Variants in COL25A1 observed in about 807,000 individuals in gnomAD.
COL25A1 encodes the protein collagen type XXV alpha 1 chain, also known as collagen alpha-1(XXV) chain.
COL25A1 carries 103 observed loss-of-function variants against 128.4 expected under a neutral mutation model. The observed-to-expected ratio is 0.80, with a 90% CI of 0.68 to 0.94. The LOEUF (loss-of-function observed/expected upper bound fraction) is 0.94. Ranked by LOEUF, COL25A1 falls within the 40% of genes least tolerant of loss-of-function variation. The pLI, the probability that COL25A1 is intolerant of heterozygous loss-of-function variation, is 0.00. For synonymous variants in COL25A1, 279 were observed against 277.2 expected, an observed-to-expected ratio of 1.01 and a Z score of -0.06; for missense variants, 745 against 840.0, an observed-to-expected ratio of 0.89 and a Z score of 1.40.
chr4:108,959,713 G>T (rs1750458494), intron 8 of COL25A1, among the ~76,000 whole-genome samples: 1 of 152,060 alleles, frequency 6.6e-6, no homozygotes, highest in African/African-American at 2.4e-5. Flanking sequence ...GAAGTACATG[G>T]CTCCAAAGTG....
chr4:109,211,884 G>A (rs12647173), intron 3 of COL25A1, among the ~76,000 whole-genome samples: 13,392 of 152,000 alleles, frequency 0.088, 825 homozygotes, highest in East Asian at 0.23. Flanking sequence ...ACAATGCCTC[G>A]ACCTGAAGAA....
chr4:109,278,116 C>T (rs1560971506), intron 3 of COL25A1, among the ~76,000 whole-genome samples: 1 of 151,326 alleles, frequency 6.6e-6, no homozygotes, highest in African/African-American at 2.4e-5. Flanking sequence ...GCCTGGGCAA[C>T]AGAGCGAGAC....
At chr4:109,260,655 C>T (rs1781383750) in intron 3 of COL25A1, among the ~76,000 whole-genome samples, 1 of 152,006 alleles carries the variant, frequency 6.6e-6, no homozygotes, top group Admixed American at 6.6e-5. Flanking sequence ...ACCACCATGC[C>T]CAGCTAATTT....
At chr4:108,886,492 G>GTGTGTGTGT (rs58157157) in intron 18 of COL25A1, among the ~76,000 whole-genome samples, 1 of 109,248 alleles carries the variant, frequency 9.2e-6, no homozygotes, top group Non-Finnish European at 1.9e-5. Flanking sequence ...GTGTGTGTGT[G>GTGTGTGTGT]TTTAGCTCAT....
chr4:109,031,319 T>C (rs973850841), intron 5 of COL25A1, among the ~76,000 whole-genome samples: 1 of 151,596 alleles, frequency 6.6e-6, no homozygotes, highest in African/African-American at 2.4e-5. Context: ...GGTTTCACCG[T>C]GTTAGCCAGG....
chr4:108,954,571 G>T (rs1749832287), intron 8 of COL25A1, among the ~76,000 whole-genome samples: 1 of 151,914 alleles, frequency 6.6e-6, no homozygotes, highest in South Asian at 2.1e-4. Context: ...AGATTAGATT[G>T]TCTTCGTTAC....
chr4:108,869,213 T>G, intron 19 of COL25A1, 63 bp from the exon 20 acceptor site: 1 of 787,192 alleles, frequency 1.3e-6, no homozygotes, highest in Admixed American at 4.3e-5. Context: ...AATAAATAAA[T>G]AAATAAATAA....
chr4:109,200,098 T>C (rs568118162), intron 3 of COL25A1, among the ~76,000 whole-genome samples: 8 of 152,300 alleles, frequency 5.3e-5, no homozygotes, highest in African/African-American at 1.9e-4. Flanking sequence ...CAATCACACA[T>C]TGTTGGCTTA....
chr4:108,935,877 AT>A (rs1407978084), intron 11 of COL25A1, among the ~76,000 whole-genome samples: 1 of 152,142 alleles, frequency 6.6e-6, no homozygotes, highest in Non-Finnish European at 1.5e-5. Flanking sequence ...TATCCATTTT[AT>A]TTTAGAACAT....
intron 3 of COL25A1, among the ~76,000 whole-genome samples, chr4:109,191,752 C>A (rs896570194): frequency 6.6e-6 from 1 of 152,138 alleles, no homozygotes; most frequent in Non-Finnish European, 1.5e-5. Context: ...TATTGAATCT[C>A]TAAGTAAGAC....
chr4:108,829,239 A>G (rs1479600787), intron 32 of COL25A1, among the ~76,000 whole-genome samples: 1 of 152,210 alleles, frequency 6.6e-6, no homozygotes, highest in Non-Finnish European at 1.5e-5. Flanking sequence ...GGACGGGCGC[A>G]GTGGCTTATG....
chr4:108,877,820 T>C (rs1739639636), intron 19 of COL25A1, among the ~76,000 whole-genome samples: 1 of 152,206 alleles, frequency 6.6e-6, no homozygotes, highest in East Asian at 1.9e-4. Context: ...ATCAAAGGTC[T>C]CATTAAGTCT....
intron 31 of COL25A1, among the ~76,000 whole-genome samples, chr4:108,836,394 T>C (rs986571204): frequency 6.6e-6 from 1 of 152,140 alleles, no homozygotes; most frequent in African/African-American, 2.4e-5. Context: ...AGTTACATTA[T>C]AACATTTGAA....
At chr4:109,046,548 C>T (rs917223006) in intron 5 of COL25A1, among the ~76,000 whole-genome samples, 4 of 152,194 alleles carry the variant, frequency 2.6e-5, no homozygotes, top group Non-Finnish European at 5.9e-5. Flanking sequence ...TTGTTACTTA[C>T]TTAACATGAA....
rs182735131 is a variant in COL25A1 at position 108,819,392 on chromosome 4, C to T, written c.1846-63G>A. Reference sequence around the variant, plus strand: ...AGAAATCACTTAAGCACAAATTCTGCGAAAGAAGTAACTACAACAACAAAG... The same window carrying T: ...AGAAATCACTTAAGCACAAATTCTGTGAAAGAAGTAACTACAACAACAAAG... On this transcript the variant is annotated intron_variant, in intron 35 of 37. Coordinates refer to ENST00000399132, the MANE Select transcript of COL25A1 (RefSeq NM_198721.4). 3.5e-4 allele frequency: 470 copies of T among 1,333,660 alleles called. 2 individuals carry two copies. In the African/African-American group the frequency reaches 3.7e-3, roughly 11 times the overall value. The allele number at this position is 1,333,660 out of a possible 1,614,324, so 82.6% of individuals were successfully genotyped here. A position where few individuals can be genotyped will look rare whatever the true frequency, so the allele number is the denominator to read the frequency against.
intron 3 of COL25A1, among the ~76,000 whole-genome samples, chr4:109,083,399 TTTAG>T (rs1462301448): frequency 6.6e-6 from 1 of 151,620 alleles, no homozygotes; most frequent in Non-Finnish European, 1.5e-5. Flanking sequence ...TTAACTGCTA[TTTAG>T]TATGACCAAA....
chr4:109,038,191 G>T (rs973965535), intron 5 of COL25A1, among the ~76,000 whole-genome samples: 6 of 152,174 alleles, frequency 3.9e-5, no homozygotes, highest in Non-Finnish European at 8.8e-5. Context: ...TCTAGATGTT[G>T]CTGTGGAGAT....
intron 3 of COL25A1, among the ~76,000 whole-genome samples, chr4:109,186,502 TA>T (rs541247361): frequency 5.3e-5 from 8 of 152,214 alleles, no homozygotes; most frequent in Non-Finnish European, 1.2e-4. Flanking sequence ...ATGCTTCCTA[TA>T]AAAGCATCCC....
chr4:109,080,716 A>G (rs1411794080), intron 3 of COL25A1, among the ~76,000 whole-genome samples: 2 of 152,116 alleles, frequency 1.3e-5, no homozygotes, highest in African/African-American at 4.8e-5. Context: ...TCAGACTTAA[A>G]CGGCTTCCTA....
Sources: gnomAD v4.1 joint callset for allele counts (sites outside exome capture counted in the v4.1 genomes callset) on GRCh38, gnomAD v4.1.1 for gene constraint, MANE v1.5 for transcripts, NCBI Gene and HGNC (gene_info 2026-07-23, HGNC 2026-07-21) for gene names.